HOMER2: variants seen among roughly 807,000 people sequenced by gnomAD.
HOMER2 encodes homer protein homolog 2.
Under a neutral mutation model 47.0 loss-of-function variants are expected in HOMER2, and 27 were observed. That is an observed-to-expected ratio of 0.57 (90% CI 0.42 to 0.79). The LOEUF is 0.79. Among genes scored for constraint, HOMER2 ranks in the 30% least tolerant of loss-of-function variants. The pLI, the probability that HOMER2 is intolerant of heterozygous loss-of-function variation, is 0.00. For synonymous variants in HOMER2, 161 were observed against 163.8 expected, an observed-to-expected ratio of 0.98 and a Z score of 0.13; for missense variants, 443 against 435.0, an observed-to-expected ratio of 1.02 and a Z score of -0.16.
In HOMER2 at chr15:82,852,025, C is replaced by T. The variant is rs41310970; in HGVS notation, c.762+117G>A. 1,015 of 666,362 alleles carry T rather than the reference C, an allele frequency of 1.5e-3. 14 individuals carry two copies. The highest frequency in any genetic ancestry group is 0.013 in the Admixed American group (486 of 36,500). The allele number at this position is 666,362 out of a possible 1,614,324, so 41.3% of individuals were successfully genotyped here. Reference sequence around the variant, plus strand: ...TTGCTGTGGCTCCCAGCTCTCTCTCCGTGCTGCTATCCAGGCAGCTGCCAG... The same window carrying T: ...TTGCTGTGGCTCCCAGCTCTCTCTCTGTGCTGCTATCCAGGCAGCTGCCAG... On this transcript the variant is annotated intron_variant, in intron 7 of 8. Transcript: ENST00000450735.
At chr15:82,862,194 TA>T (rs1567019761) in intron 4 of HOMER2, among the ~76,000 whole-genome samples, 1 of 151,880 alleles carries the variant, frequency 6.6e-6, no homozygotes. Flanking sequence ...TGAGCCGCTG[TA>T]CCCAGCCTTA....
At chr15:82,972,808 C>T (rs1417797497) in intron 1 of HOMER2, among the ~76,000 whole-genome samples, 4 of 152,302 alleles carry the variant, frequency 2.6e-5, no homozygotes, top group African/African-American at 4.8e-5. Context: ...CCGCAGGTGA[C>T]GTGGCCTTCT....
At chr15:82,918,801 C>T (rs532539938) in intron 1 of HOMER2, among the ~76,000 whole-genome samples, 1 of 152,342 alleles carries the variant, frequency 6.6e-6, no homozygotes, top group East Asian at 1.9e-4. Context: ...CCCAGGCTGT[C>T]AGCCTCCTAC....
At chr15:82,838,135 G>T (rs527820932) in exon 2 of HOMER2, 1 of 152,780 alleles carries the variant, frequency 6.5e-6, no homozygotes, top group South Asian at 2.1e-4. Context: ...CTATGCTTTA[G>T]GAAGAAGCCT....
chr15:82,969,276 T>C (rs2029902146), intron 1 of HOMER2, among the ~76,000 whole-genome samples: 1 of 152,154 alleles, frequency 6.6e-6, no homozygotes. Context: ...TGCAGTAAGG[T>C]CTTGAAGCAA....
At chr15:82,965,261 C>T (rs1043150143) in intron 1 of HOMER2, among the ~76,000 whole-genome samples, 1 of 152,216 alleles carries the variant, frequency 6.6e-6, no homozygotes, top group African/African-American at 2.4e-5. Context: ...TCAAGTGATC[C>T]TCCCATCTCA....
intron 1 of HOMER2, among the ~76,000 whole-genome samples, chr15:82,948,217 C>G (rs1193676928): frequency 6.6e-6 from 1 of 152,090 alleles, no homozygotes; most frequent in Non-Finnish European, 1.5e-5. Context: ...CGATGAAACC[C>G]CGTCTCTACT....
At position 82,855,494 on chromosome 15, in the gene HOMER2, G is replaced by A. The variant is rs143610806; in HGVS notation, c.495-694C>T. Among the ~76,000 whole-genome samples the A allele has an allele frequency of 3.9e-5, 6 of 152,276 alleles. No homozygotes were observed. In the East Asian group the frequency reaches 9.7e-4, roughly 25 times the overall value. On this transcript the variant is annotated intron_variant, in intron 5 of 8. Transcript: ENST00000450735. ...GTGGACCGGGTGACCTTCAAGAATC[G>A]TATGAAAGCCATGGACGGACCTCCA...
chr15:82,965,642 T>C (rs1052262570), intron 1 of HOMER2, among the ~76,000 whole-genome samples: 6 of 152,142 alleles, frequency 3.9e-5, no homozygotes, highest in African/African-American at 1.4e-4. Flanking sequence ...TCAAGTTCCC[T>C]AGCTGTAAAA....
At chr15:82,953,866 G>C (rs183114384), upstream of HOMER2, among the ~76,000 whole-genome samples, 43 of 152,222 alleles carry the variant, frequency 2.8e-4, no homozygotes, top group Non-Finnish European at 5.3e-4. Flanking sequence ...CTGGGCAACA[G>C]AGCGAGACTC....
intron 3 of HOMER2, among the ~76,000 whole-genome samples, chr15:82,870,562 G>C (rs576511069): frequency 2.6e-5 from 4 of 152,320 alleles, no homozygotes; most frequent in Non-Finnish European, 5.9e-5. Flanking sequence ...CTTCACATGA[G>C]AGGAAATTAT....
exon 2 of HOMER2, chr15:82,841,733 G>A (rs2051178208): frequency 6.6e-6 from 1 of 152,114 alleles, no homozygotes; most frequent in Non-Finnish European, 1.5e-5. Flanking sequence ...AAAACCTTTA[G>A]AATAATTCAG....
At chr15:82,979,516 A>G (rs1292160839) in intron 1 of HOMER2, among the ~76,000 whole-genome samples, 2 of 152,170 alleles carry the variant, frequency 1.3e-5, no homozygotes, top group Non-Finnish European at 2.9e-5. Context: ...TCTGGAGGGG[A>G]GCAAGGCTAG....
exon 2 of HOMER2, chr15:82,839,668 A>G (rs1255452227): frequency 6.6e-6 from 1 of 152,254 alleles, no homozygotes; most frequent in Non-Finnish European, 1.5e-5. Context: ...AAACAAAGCA[A>G]AAACTGTTAG....
intron 1 of HOMER2, among the ~76,000 whole-genome samples, chr15:82,981,136 C>T (rs1440834736): frequency 1.3e-5 from 2 of 152,148 alleles, no homozygotes; most frequent in Admixed American, 1.3e-4. Flanking sequence ...GATGCACTGG[C>T]CAAAGACACA....
chr15:82,900,837 T>C (rs1012124061), intron 1 of HOMER2, among the ~76,000 whole-genome samples: 17 of 152,324 alleles, frequency 1.1e-4, no homozygotes, highest in African/African-American at 3.9e-4. Flanking sequence ...AGTTATTTTC[T>C]TCCTGCCCCC....
chr15:82,836,677 C>G (rs1187605607), downstream of HOMER2, among the ~76,000 whole-genome samples: 2 of 152,208 alleles, frequency 1.3e-5, no homozygotes, highest in Non-Finnish European at 2.9e-5. Flanking sequence ...TATGGATTGT[C>G]CTGGAGTGAA....
At chr15:82,898,443 A>G (rs1238277185) in intron 1 of HOMER2, 2 of 152,210 alleles carry the variant, frequency 1.3e-5, no homozygotes, top group African/African-American at 4.8e-5. Context: ...CAGAGAGTAA[A>G]TTTCAAATAT....
chr15:82,874,977 C>A (rs2052299913), intron 3 of HOMER2, among the ~76,000 whole-genome samples: 1 of 152,142 alleles, frequency 6.6e-6, no homozygotes, highest in Admixed American at 6.5e-5. Context: ...TGCGCTGATA[C>A]CACCGGGCAC....
Sources: gnomAD v4.1 joint callset for allele counts (sites outside exome capture counted in the v4.1 genomes callset) on GRCh38, gnomAD v4.1.1 for gene constraint, MANE v1.5 for transcripts, NCBI Gene and HGNC (gene_info 2026-07-23, HGNC 2026-07-21) for gene names.